NAF1: variants seen among roughly 807,000 people sequenced by gnomAD.
NAF1 encodes the protein H/ACA ribonucleoprotein complex non-core subunit NAF1.
Under a neutral mutation model 40.6 loss-of-function variants are expected in NAF1, and 11 were observed. That is an observed-to-expected ratio of 0.27 (90% confidence interval 0.17 to 0.45). The LOEUF (loss-of-function observed/expected upper bound fraction) is 0.45, where lower values mean the gene tolerates loss of function less well. NAF1 is among the 20% of genes least tolerant of loss of function. NAF1 has a pLI of 1.00. For missense variants in NAF1, 607 were observed against 611.1 expected (o/e 0.99, Z 0.07); for synonymous variants, 260 against 228.5 (o/e 1.14, Z -1.24).
chr4:163,154,890 CAAAA>C (rs5863601), intron 2 of NAF1, among the ~76,000 whole-genome samples: 47 of 141,528 alleles, frequency 3.3e-4, no homozygotes, highest in Non-Finnish European at 6.0e-4. Context: ...AAAACAAAAA[CAAAA>C]AAAAAAAAAC....
At chr4:163,114,178 C>G (rs1034193743) in intron 2 of NAF1, among the ~76,000 whole-genome samples, 1 of 152,184 alleles carries the variant, frequency 6.6e-6, no homozygotes, top group African/African-American at 2.4e-5. Flanking sequence ...CTGCATGTAT[C>G]TAGCCACTGA....
At chr4:163,139,883 A>G (rs574509831) in intron 5 of NAF1, among the ~76,000 whole-genome samples, 2 of 152,236 alleles carry the variant, frequency 1.3e-5, no homozygotes, top group Non-Finnish European at 2.9e-5. Context: ...CTTAACTGAA[A>G]AAAAAGTTAT....
At position 163,164,349 on chromosome 4, in the gene NAF1, TGAAGAG is replaced by T. The variant is rs1732356865; in HGVS notation, c.402_407del (p.Ser144_Ser145del). ...AGGAAGAAGACGACGATGAGGAAGA[TGAAGAG>T]GAAGACGATGAACTTGAACTATCTG... On this transcript the variant is annotated inframe_deletion, in exon 2 of 8. Coordinates refer to ENST00000274054, the MANE Select transcript of NAF1 (RefSeq NM_138386.3). The T allele has an allele frequency of 6.3e-7, 1 of 1,596,588 alleles. No individual in the cohort carries two copies. Among genetic ancestry groups the T allele is most frequent in the Non-Finnish European group, 8.5e-7 (1 of 1,172,110 alleles).
chr4:163,126,578 A>C (rs994881071), downstream of NAF1: 2 of 152,882 alleles, frequency 1.3e-5, no homozygotes, highest in African/African-American at 4.8e-5. Context: ...AAAGCTACTC[A>C]TGGTGAAGAC....
chr4:163,126,984 G>GCATA (rs1171224589), downstream of NAF1: 4 of 1,550,142 alleles, frequency 2.6e-6, no homozygotes, highest in Non-Finnish European at 3.5e-6. Flanking sequence ...CAATGCTATT[G>GCATA]CATACTTAAT....
At chr4:163,166,147 GTCAGTACTAAGC>G (rs1732451301) in intron 1 of NAF1, among the ~76,000 whole-genome samples, 1 of 152,156 alleles carries the variant, frequency 6.6e-6, no homozygotes, top group Non-Finnish European at 1.5e-5. Context: ...TAGGAAATAA[GTCAGTACTAAGC>G]TCAGATTCAC....
At chr4:163,105,831 A>G (rs1191066037), downstream of NAF1, among the ~76,000 whole-genome samples, 1 of 152,210 alleles carries the variant, frequency 6.6e-6, no homozygotes, top group Non-Finnish European at 1.5e-5. Context: ...TGCAGTGTTC[A>G]ATAATTGTCT....
downstream of NAF1, among the ~76,000 whole-genome samples, chr4:163,109,160 CTTT>C (rs11353573): frequency 8.2e-5 from 11 of 134,822 alleles, no homozygotes; most frequent in East Asian, 2.1e-4. Context: ...CCTTTTCACC[CTTT>C]TTTTTTTTTT....
intron 1 of NAF1, among the ~76,000 whole-genome samples, chr4:163,164,802 C>T (rs1256527351): frequency 6.6e-6 from 1 of 152,194 alleles, no homozygotes; most frequent in African/African-American, 2.4e-5. Context: ...TGCCAGATTG[C>T]TTAATGAGTT....
Position 163,141,930 on chromosome 4 carries a change from C to A in NAF1, c.718-1547G>T, listed in dbSNP as rs1289485385. The A allele has an allele frequency of 4.1e-6, 4 of 981,698 alleles. No individual in the cohort carries two copies. In the Admixed American group the frequency reaches 1.8e-4, roughly 45 times the overall value. The allele number at this position is 981,698 out of a possible 1,614,324, so 60.8% of individuals were successfully genotyped here. On this transcript the variant is annotated intron_variant, in intron 4 of 7. Transcript: ENST00000274054. The stretch of plus-strand genomic sequence containing the variant: ...TTTCATTAAGGCGTAAAACAGCTCA[C>A]CTATCAGGGCACCACCATTCTGAAG...
intron 7 of NAF1, among the ~76,000 whole-genome samples, chr4:163,132,672 C>T (rs879314864): frequency 4.6e-5 from 7 of 152,142 alleles, no homozygotes; most frequent in Non-Finnish European, 8.8e-5. Flanking sequence ...AATATCCTGG[C>T]TGGGACAGTG....
intron 2 of NAF1, among the ~76,000 whole-genome samples, chr4:163,112,151 G>A (rs1169116464): frequency 2.0e-5 from 3 of 151,842 alleles, no homozygotes; most frequent in East Asian, 3.9e-4. Context: ...AGATGAGAGA[G>A]ATAATAGCGA....
In NAF1 at chr4:163,129,287, T is replaced by A. The variant is rs764445436; in HGVS notation, c.1095A>T (p.Ala365=). The change falls in exon 8 of 8, where the codon GCA becomes GCT. Residue 365 remains alanine (A), a synonymous_variant. Coordinates refer to ENST00000274054, the MANE Select transcript of NAF1 (RefSeq NM_138386.3). ...TGAATTCTCTGTTACGATATCCTTT[T>A]GCATGCTCTGAAGCAGAGCTATGAG... ...WNAHSSASEH[A]KGYRNREFTR... The A allele has an allele frequency of 5.0e-6, 8 of 1,614,182 alleles. No homozygotes were observed. The highest frequency in any genetic ancestry group is 5.9e-6 in the Non-Finnish European group (7 of 1,180,018).
intron 4 of NAF1, among the ~76,000 whole-genome samples, chr4:163,142,238 A>G (rs1337916196): frequency 6.6e-6 from 1 of 152,222 alleles, no homozygotes; most frequent in East Asian, 1.9e-4. Flanking sequence ...AATTGTCTTA[A>G]AAACAATTCA....
intron 2 of NAF1, among the ~76,000 whole-genome samples, chr4:163,152,254 A>G (rs1172059456): frequency 6.6e-6 from 1 of 152,236 alleles, no homozygotes; most frequent in Non-Finnish European, 1.5e-5. Flanking sequence ...AAAATCAGAA[A>G]TAAGTGTTGA....
intron 3 of NAF1, among the ~76,000 whole-genome samples, chr4:163,147,416 T>C (rs1731514148): frequency 6.6e-6 from 1 of 152,114 alleles, no homozygotes; most frequent in Admixed American, 6.6e-5. Flanking sequence ...CAGTGCTGAG[T>C]TCTATTCTCC....
intron 2 of NAF1, among the ~76,000 whole-genome samples, chr4:163,159,410 T>C (rs1732128678): frequency 6.6e-6 from 1 of 152,088 alleles, no homozygotes; most frequent in Admixed American, 6.6e-5. Context: ...TAGTTCCAAA[T>C]ATACATATAG....
chr4:163,159,421 T>C (rs1359797397), intron 2 of NAF1, among the ~76,000 whole-genome samples: 1 of 152,078 alleles, frequency 6.6e-6, no homozygotes, highest in African/African-American at 2.4e-5. Flanking sequence ...ATACATATAG[T>C]AATAAAAACC....
At chr4:163,163,353 CCT>C (rs1369703272) in intron 2 of NAF1, among the ~76,000 whole-genome samples, 3 of 152,042 alleles carry the variant, frequency 2.0e-5, no homozygotes, top group African/African-American at 7.2e-5. Flanking sequence ...GAAAAAGGCT[CCT>C]GAGTGCCTGT....
Sources: allele counts gnomAD v4.1 joint callset (sites outside exome capture counted in the v4.1 genomes callset), GRCh38; gene constraint gnomAD v4.1.1; transcripts MANE v1.5; gene names NCBI Gene and HGNC (gene_info 2026-07-23, HGNC 2026-07-21).